Variants in PKP4 observed in about 807,000 individuals in gnomAD.
PKP4 encodes plakophilin-4.
In PKP4, 90 loss-of-function variants were observed where a neutral mutation model predicts 145.1. That is an observed-to-expected ratio of 0.62 (90% CI 0.52 to 0.74). The LOEUF (loss-of-function observed/expected upper bound fraction) is 0.74, where lower values mean the gene tolerates loss of function less well. Among genes scored for constraint, PKP4 ranks in the 30% least tolerant of loss-of-function variants. The pLI is 0.00. For synonymous variants in PKP4, 563 were observed against 577.2 expected (o/e 0.98, Z 0.35); for missense variants, 1,340 against 1,482.7 (o/e 0.90, Z 1.58).
At chr2:158,640,205 C>T (rs986980290) in intron 9 of PKP4, among the ~76,000 whole-genome samples, 8 of 152,204 alleles carry the variant, frequency 5.3e-5, no homozygotes, top group African/African-American at 1.2e-4. Flanking sequence ...TCTAGGCTGA[C>T]GCCAGCCCTG....
intron 4 of PKP4, among the ~76,000 whole-genome samples, chr2:158,609,318 TGAG>T (rs777336047): frequency 3.3e-5 from 5 of 152,210 alleles, no homozygotes; most frequent in Non-Finnish European, 5.9e-5. Context: ...TCAGAATAAA[TGAG>T]GAGTGGCTTA....
chr2:158,468,070 TAG>T (rs1479473962), intron 1 of PKP4, among the ~76,000 whole-genome samples: 3 of 152,230 alleles, frequency 2.0e-5, no homozygotes, highest in African/African-American at 7.2e-5. Flanking sequence ...CTATTACAAA[TAG>T]AGTTGCTATG....
intron 1 of PKP4, among the ~76,000 whole-genome samples, chr2:158,520,947 T>C (rs965855822): frequency 4.6e-5 from 7 of 152,246 alleles, no homozygotes; most frequent in African/African-American, 1.4e-4. Context: ...GTGAAACACA[T>C]TGAATGAATA....
At chr2:158,514,940 C>CA (rs934746205) in intron 1 of PKP4, among the ~76,000 whole-genome samples, 29 of 143,724 alleles carry the variant, frequency 2.0e-4, no homozygotes, top group South Asian at 8.7e-4. Context: ...GACGCTGTCT[C>CA]AAAAAAAAAA....
At position 158,516,665 on chromosome 2, in the gene PKP4, T is replaced by C. The variant is rs537485213; in HGVS notation, c.-5-16515T>C. On this transcript the variant is annotated intron_variant, in intron 1 of 21. Coordinates refer to ENST00000389759, the MANE Select transcript of PKP4 (RefSeq NM_003628.6). ...ACTGGATTATATACTTTTCTTTTTTTTTTTTTTTTTTAAGACAGAGTTCCG... is the reference window on the plus strand; with the variant it reads ...ACTGGATTATATACTTTTCTTTTTTCTTTTTTTTTTTAAGACAGAGTTCCG... 1.8e-4 allele frequency among the ~76,000 whole-genome samples: 27 copies of C among 148,212 alleles called. 1 individual carries two copies. The East Asian group carries it at 3.3e-3, about 18-fold the overall frequency.
chr2:158,593,054 C>A (rs1181673665), intron 3 of PKP4, among the ~76,000 whole-genome samples: 1 of 152,128 alleles, frequency 6.6e-6, no homozygotes, highest in Non-Finnish European at 1.5e-5. Context: ...GCAGTTCTAG[C>A]AGAAAATAGT....
At chr2:158,569,166 CTT>C (rs1210291716) in intron 2 of PKP4, among the ~76,000 whole-genome samples, 1 of 152,204 alleles carries the variant, frequency 6.6e-6, no homozygotes, top group African/African-American at 2.4e-5. Flanking sequence ...GAGCCTGAGT[CTT>C]AGAATATAAA....
intron 1 of PKP4, among the ~76,000 whole-genome samples, chr2:158,529,437 A>G (rs1381533739): frequency 1.3e-5 from 2 of 152,194 alleles, no homozygotes; most frequent in African/African-American, 4.8e-5. Flanking sequence ...GAGCTGTGTC[A>G]TTCACATCCT....
intron 1 of PKP4, among the ~76,000 whole-genome samples, chr2:158,473,302 T>C (rs1244124153): frequency 6.6e-6 from 1 of 152,202 alleles, no homozygotes; most frequent in Non-Finnish European, 1.5e-5. Context: ...GCAATCCCAC[T>C]ACTGGGTATA....
intron 2 of PKP4, among the ~76,000 whole-genome samples, chr2:158,573,983 C>G (rs1311888522): frequency 1.3e-5 from 2 of 152,262 alleles, no homozygotes; most frequent in South Asian, 2.1e-4. Context: ...GGACAGCCAG[C>G]CTTTCCTTGG....
intron 2 of PKP4, among the ~76,000 whole-genome samples, chr2:158,563,222 A>C (rs1422000216): frequency 5.9e-5 from 9 of 152,194 alleles, no homozygotes; most frequent in Admixed American, 5.9e-4. Flanking sequence ...GTGTGGTTTT[A>C]CGTAAGCAAA....
chr2:158,483,741 T>C (rs1307016769), intron 1 of PKP4, among the ~76,000 whole-genome samples: 5 of 151,856 alleles, frequency 3.3e-5, no homozygotes, highest in African/African-American at 1.2e-4. Flanking sequence ...CTTGAATTTA[T>C]TATTAACATC....
At chr2:158,640,564 T>G (rs2054193379) in intron 9 of PKP4, 63 bp from the exon 10 acceptor site, 1 of 1,568,300 alleles carries the variant, frequency 6.4e-7, no homozygotes, top group Non-Finnish European at 8.7e-7. Flanking sequence ...ATACCAAGTG[T>G]TTTTTTCAGT....
intron 3 of PKP4, among the ~76,000 whole-genome samples, chr2:158,595,364 A>G (rs2049636963): frequency 6.6e-6 from 1 of 152,170 alleles, no homozygotes; most frequent in Non-Finnish European, 1.5e-5. Context: ...CTTGAGGGTC[A>G]GGGTAAGGAG....
intron 3 of PKP4, among the ~76,000 whole-genome samples, chr2:158,583,344 C>G (rs926448342): frequency 6.6e-6 from 1 of 152,204 alleles, no homozygotes; most frequent in Admixed American, 6.5e-5. Flanking sequence ...CCTTATGCCT[C>G]CACTCCAAGG....
At chr2:158,558,511 GTAGA>G (rs2046275815) in intron 2 of PKP4, among the ~76,000 whole-genome samples, 1 of 152,150 alleles carries the variant, frequency 6.6e-6, no homozygotes, top group African/African-American at 2.4e-5. Flanking sequence ...AAAGGTCAGG[GTAGA>G]TAGATGGAGA....
At chr2:158,556,223 C>T (rs1390850592) in intron 2 of PKP4, among the ~76,000 whole-genome samples, 1 of 152,118 alleles carries the variant, frequency 6.6e-6, no homozygotes, top group Non-Finnish European at 1.5e-5. Context: ...TGAAAAATAT[C>T]TTCATATCGG....
At chr2:158,458,980 ATTAT>A (rs1417811184) in intron 1 of PKP4, among the ~76,000 whole-genome samples, 2 of 152,202 alleles carry the variant, frequency 1.3e-5, no homozygotes, top group Non-Finnish European at 2.9e-5. Context: ...AAGAACGGTA[ATTAT>A]TTACGTGTAA....
At chr2:158,661,283 G>C (rs185109798) in intron 12 of PKP4, 50 bp from the exon 13 acceptor site, 104 of 1,342,096 alleles carry the variant, frequency 7.7e-5, no homozygotes, top group Non-Finnish European at 1.1e-4. Context: ...CCACGTGGCT[G>C]ATGAGTGCAT....
Sources: allele counts gnomAD v4.1 joint callset (sites outside exome capture counted in the v4.1 genomes callset), GRCh38; gene constraint gnomAD v4.1.1; transcripts MANE v1.5; gene names NCBI Gene and HGNC (gene_info 2026-07-23, HGNC 2026-07-21).